BEND7: variants seen among roughly 807,000 people sequenced by gnomAD.
BEND7 encodes the protein BEN domain-containing protein 7.
BEND7 carries 28 observed loss-of-function variants against 50.9 expected under a neutral mutation model. That is an observed-to-expected ratio of 0.55 (90% confidence interval 0.41 to 0.75). The LOEUF is 0.75. BEND7 is among the 30% of genes least tolerant of loss of function. The pLI, the probability that BEND7 is intolerant of heterozygous loss-of-function variation, is 0.00. For missense variants in BEND7, 477 were observed against 491.3 expected, an observed-to-expected ratio of 0.97 and a Z score of 0.28; for synonymous variants, 170 against 183.9, an observed-to-expected ratio of 0.92 and a Z score of 0.61.
At chr10:13,439,916 C>T (rs1835122984), downstream of BEND7, among the ~76,000 whole-genome samples, 1 of 152,256 alleles carries the variant, frequency 6.6e-6, no homozygotes, top group African/African-American at 2.4e-5. Flanking sequence ...CCCCGCCTCC[C>T]CTCTCGCCCG....
chr10:13,452,017 A>C (rs1326461052), intron 7 of BEND7, among the ~76,000 whole-genome samples: 1 of 152,154 alleles, frequency 6.6e-6, no homozygotes, highest in Non-Finnish European at 1.5e-5. Context: ...CTGGAAGAAT[A>C]ATCCCAGAAT....
At chr10:13,493,198 A>T (rs2076793667) in intron 4 of BEND7, among the ~76,000 whole-genome samples, 1 of 152,248 alleles carries the variant, frequency 6.6e-6, no homozygotes, top group Admixed American at 6.5e-5. Context: ...AAATCATAGG[A>T]TGTTTTTAAA....
rs1588928693 is a variant in BEND7 at position 13,492,662 on chromosome 10, C to T, written c.786G>A (p.Glu262=). 1.4e-5 allele frequency: 23 copies of T among 1,614,014 alleles called. No individual in the cohort carries two copies. The highest frequency in any genetic ancestry group is 1.9e-5 in the Non-Finnish European group (22 of 1,180,032). ...ALQAAEHTSP[E]ESRVLGFGIV... is the part of the protein sequence containing the mutation. The stretch of plus-strand genomic sequence containing the variant: ...TGCCGAATCCTAGAACGCGGCTCTC[C>T]TCCGGGGAGGTGTGCTCGGCTGCCT... Residue 262 remains glutamate, a synonymous_variant, in exon 5 of 9, where the codon GAG becomes GAA. Coordinates refer to ENST00000466271, the MANE Select transcript of BEND7 (RefSeq NM_001369863.1).
intron 2 of BEND7, among the ~76,000 whole-genome samples, chr10:13,517,099 T>C (rs2078738846): frequency 1.3e-5 from 2 of 148,970 alleles, no homozygotes; most frequent in Non-Finnish European, 3.0e-5. Context: ...AGGATCTCAC[T>C]TGTCGCCCAG....
intron 6 of BEND7, among the ~76,000 whole-genome samples, chr10:13,477,498 CG>C (rs2075539210): frequency 6.6e-6 from 1 of 152,050 alleles, no homozygotes. Flanking sequence ...AAAATCTCTA[CG>C]AATAACAACA....
intron 6 of BEND7, among the ~76,000 whole-genome samples, chr10:13,467,921 G>C (rs1037295404): frequency 1.3e-5 from 2 of 152,036 alleles, no homozygotes; most frequent in Non-Finnish European, 2.9e-5. Context: ...CTGTTTCATG[G>C]GACAAGGAAT....
At chr10:13,524,539 G>C (rs971429436) in intron 2 of BEND7, among the ~76,000 whole-genome samples, 1 of 151,436 alleles carries the variant, frequency 6.6e-6, no homozygotes, top group Non-Finnish European at 1.5e-5. Flanking sequence ...AGCTACTCAG[G>C]AGGCTGAGGC....
At chr10:13,504,887 T>G (rs1029806627) in intron 2 of BEND7, among the ~76,000 whole-genome samples, 1 of 152,166 alleles carries the variant, frequency 6.6e-6, no homozygotes, top group Admixed American at 6.5e-5. Flanking sequence ...CTCTACTAGA[T>G]CACGTTCCTT....
At chr10:13,487,839 T>A (rs565750119) in intron 5 of BEND7, among the ~76,000 whole-genome samples, 2 of 152,202 alleles carry the variant, frequency 1.3e-5, no homozygotes, top group South Asian at 2.1e-4. Context: ...ACACCTGTAA[T>A]CTCAGCACTT....
intron 6 of BEND7, among the ~76,000 whole-genome samples, chr10:13,455,183 C>CAACAA (rs373207955): frequency 4.5e-4 from 68 of 151,986 alleles, no homozygotes; most frequent in Admixed American, 1.6e-3. Flanking sequence ...AACAAACACA[C>CAACAA]AACAAAACAA....
chr10:13,462,459 C>G (rs960436716), intron 6 of BEND7, among the ~76,000 whole-genome samples: 1 of 152,196 alleles, frequency 6.6e-6, no homozygotes. Context: ...TTCCACCTGG[C>G]CTGCCCTTGA....
intron 5 of BEND7, among the ~76,000 whole-genome samples, chr10:13,485,392 TA>T (rs2076153566): frequency 6.6e-6 from 1 of 152,224 alleles, no homozygotes; most frequent in African/African-American, 2.4e-5. Flanking sequence ...AGATTCTGTG[TA>T]TTATATAGGG....
chr10:13,527,107 T>C (rs2079493897), intron 1 of BEND7, among the ~76,000 whole-genome samples: 1 of 152,196 alleles, frequency 6.6e-6, no homozygotes, highest in Non-Finnish European at 1.5e-5. Context: ...TTAAGTTCTC[T>C]GAGGTCATCA....
intron 6 of BEND7, among the ~76,000 whole-genome samples, chr10:13,468,880 T>A (rs964134023): frequency 2.0e-5 from 3 of 152,236 alleles, no homozygotes; most frequent in Non-Finnish European, 4.4e-5. Flanking sequence ...CAGGGTTAGG[T>A]GGCCCATGCC....
chr10:13,501,311 T>C (rs1197985829), intron 2 of BEND7, among the ~76,000 whole-genome samples: 2 of 144,162 alleles, frequency 1.4e-5, no homozygotes, highest in South Asian at 2.2e-4. Flanking sequence ...GAGGTAGAAG[T>C]TGTGGTGAGC....
At chr10:13,529,569 G>A (rs2079590532), upstream of BEND7, among the ~76,000 whole-genome samples, 1 of 152,182 alleles carries the variant, frequency 6.6e-6, no homozygotes, top group African/African-American at 2.4e-5. Flanking sequence ...GAGAGCACTT[G>A]GAATGGGGGG....
intron 5 of BEND7, among the ~76,000 whole-genome samples, chr10:13,487,767 CT>C (rs2076338499): frequency 6.6e-6 from 1 of 152,020 alleles, no homozygotes; most frequent in Admixed American, 6.6e-5. Flanking sequence ...CAGTGGATCA[CT>C]TTATCTATTG....
chr10:13,475,219 A>G (rs753539492), intron 6 of BEND7, among the ~76,000 whole-genome samples: 1 of 152,204 alleles, frequency 6.6e-6, no homozygotes, highest in Non-Finnish European at 1.5e-5. Context: ...GAGGCAAGCT[A>G]TATTTCTGAT....
At chr10:13,439,968 A>C (rs1326141431), downstream of BEND7, among the ~76,000 whole-genome samples, 5 of 152,094 alleles carry the variant, frequency 3.3e-5, no homozygotes, top group African/African-American at 9.6e-5. Context: ...CTAAACACCC[A>C]CAGTGTCTGC....
Sources: gnomAD v4.1 joint callset for allele counts (sites outside exome capture counted in the v4.1 genomes callset) on GRCh38, gnomAD v4.1.1 for gene constraint, MANE v1.5 for transcripts, NCBI Gene and HGNC (gene_info 2026-07-23, HGNC 2026-07-21) for gene names.